RFX7: variants seen among roughly 807,000 people sequenced by gnomAD.
RFX7 encodes the protein DNA-binding protein RFX7.
Under a neutral mutation model 111.8 loss-of-function variants are expected in RFX7, and 26 were observed. The ratio of observed to expected loss-of-function variants is 0.23; its 90% CI spans 0.17 to 0.32. The LOEUF is 0.32. Ranked by LOEUF, RFX7 falls within the 10% of genes least tolerant of loss-of-function variation. RFX7 has a pLI of 1.00. For missense variants in RFX7, 1,573 were observed against 1,772.9 expected, an observed-to-expected ratio of 0.89 and a Z score of 2.02; for synonymous variants, 624 against 624.4, an observed-to-expected ratio of 1.00 and a Z score of 0.01.
intron 2 of RFX7, among the ~76,000 whole-genome samples, chr15:56,212,858 A>G (rs550676606): frequency 2.4e-4 from 37 of 152,310 alleles, no homozygotes; most frequent in African/African-American, 8.7e-4. Flanking sequence ...ATATATCACC[A>G]AAGAGTATAC....
At chr15:56,234,440 G>T (rs1456107055) in intron 2 of RFX7, among the ~76,000 whole-genome samples, 1 of 152,116 alleles carries the variant, frequency 6.6e-6, no homozygotes, top group East Asian at 1.9e-4. Flanking sequence ...CTAAAATGCT[G>T]CTTGCTAGTG....
At chr15:56,152,535 T>C (rs2042585820) in intron 3 of RFX7, among the ~76,000 whole-genome samples, 1 of 152,132 alleles carries the variant, frequency 6.6e-6, no homozygotes, top group Non-Finnish European at 1.5e-5. Flanking sequence ...CCAGAATCTC[T>C]GGGACACATT....
At chr15:56,160,961 TA>T (rs1281883918) in intron 3 of RFX7, among the ~76,000 whole-genome samples, 1 of 152,070 alleles carries the variant, frequency 6.6e-6, no homozygotes, top group East Asian at 1.9e-4. Flanking sequence ...TTCTCAGTTC[TA>T]GGGGGAGAGC....
chr15:56,194,399 G>T (rs1331117467), intron 2 of RFX7, among the ~76,000 whole-genome samples: 1 of 151,974 alleles, frequency 6.6e-6, no homozygotes, highest in East Asian at 1.9e-4. Context: ...ACGAGAAGAA[G>T]CTCTTACATT....
intron 3 of RFX7, among the ~76,000 whole-genome samples, chr15:56,147,398 A>T (rs759488910): frequency 7.9e-5 from 12 of 152,176 alleles, no homozygotes; most frequent in Non-Finnish European, 1.8e-4. Flanking sequence ...CTAGGGACAG[A>T]AAGCAGCTTA....
At chr15:56,176,051 A>T (rs1322378698) in intron 3 of RFX7, among the ~76,000 whole-genome samples, 2 of 152,196 alleles carry the variant, frequency 1.3e-5, no homozygotes, top group Non-Finnish European at 2.9e-5. Context: ...TGCTAGGATG[A>T]GGCAGCCTGT....
chr15:56,103,585 C>G lies in RFX7; in HGVS notation c.487G>C (p.Ala163Pro), dbSNP rs1479914871. 1 of 1,607,206 alleles carries G rather than the reference C, an allele frequency of 6.2e-7. No individual in the cohort carries two copies. Among genetic ancestry groups the G allele is most frequent in the African/African-American group, 1.3e-5 (1 of 74,838 alleles). ...IMKNVFPNMKARRLGTRGKSK... is the reference protein window; with the variant it reads ...IMKNVFPNMKPRRLGTRGKSK... ...TTGCCTCTTGTGCCCAAACGACGTG[C>G]CTTCATGTTTGGAAAGACGTTTTTC... is the stretch of plus-strand genomic sequence containing the variant. Residue 163 changes from alanine to proline, a missense_variant, in exon 6 of 10, where the codon GCA (alanine) becomes CCA (proline). This residue lies in a region of RFX7 where 11 missense variants were observed against 30.4 expected (regional missense o/e 0.36). Transcript: ENST00000559447.
intron 2 of RFX7, among the ~76,000 whole-genome samples, chr15:56,222,307 TTTTTAG>T (rs1360857388): frequency 1.3e-5 from 2 of 152,150 alleles, no homozygotes; most frequent in African/African-American, 4.8e-5. Flanking sequence ...GCTCTCTTTA[TTTTTAG>T]TTTTAAGTAA....
At chr15:56,110,725 G>A (rs1240350925) in intron 5 of RFX7, among the ~76,000 whole-genome samples, 1 of 2,990 alleles carries the variant, frequency 3.3e-4, no homozygotes, top group African/African-American at 3.5e-4. Flanking sequence ...AGGTGGGGGG[G>A]GTCAGCCCCC....
chr15:56,243,077 A>C (rs1259770176), intron 2 of RFX7, 48 bp downstream of exon 2: 3 of 1,036,948 alleles, frequency 2.9e-6, no homozygotes, highest in South Asian at 1.3e-5. Flanking sequence ...ACTTTGCAGC[A>C]GAAATGTGCC....
intron 2 of RFX7, among the ~76,000 whole-genome samples, chr15:56,197,352 T>C (rs1163762248): frequency 6.6e-6 from 1 of 152,174 alleles, no homozygotes; most frequent in East Asian, 1.9e-4. Context: ...AAGGAAAATT[T>C]TTATTTTAAT....
At chr15:56,207,688 G>A (rs541977654) in intron 2 of RFX7, among the ~76,000 whole-genome samples, 1 of 152,240 alleles carries the variant, frequency 6.6e-6, no homozygotes, top group East Asian at 1.9e-4. Flanking sequence ...ACAAAAGACT[G>A]TTAAGCAGAT....
Position 56,174,640 on chromosome 15 carries a change from G to A in RFX7, c.195+4630C>T, listed in dbSNP as rs144939536. Among the ~76,000 whole-genome samples the A allele has an allele frequency of 4.6e-3, 695 of 152,114 alleles. 7 individuals are homozygous for A. Among genetic ancestry groups the A allele is most frequent in the African/African-American group, 0.016 (660 of 41,486 alleles). ...TGCATGCCTGTAGTCCCAGCTACTC[G>A]GGAGGCTGAGGAAGGAGAATCGCTT... On this transcript the variant is annotated intron_variant, in intron 3 of 9. Coordinates refer to ENST00000559447, the MANE Select transcript of RFX7 (RefSeq NM_022841.7).
Position 56,095,823 on chromosome 15 carries a change from G to A in RFX7, c.1905C>T (p.Ser635=), listed in dbSNP as rs375865379. The change falls in exon 10 of 10, where the codon AGC becomes AGT. Residue 635 remains serine, a synonymous_variant. Coordinates refer to ENST00000559447, the MANE Select transcript of RFX7 (RefSeq NM_022841.7). ...AGTCACCATTAGGTGGTGAGCTGCT[G>A]CTGGTGAAAGTTAAGTTCTGAGAAG... ...SVASQNLTFT[S]SSSPPNGDSI... 1.2e-6 allele frequency: 2 copies of A among 1,610,720 alleles called. No homozygotes were observed. Among genetic ancestry groups the A allele is most frequent in the African/African-American group, 1.3e-5 (1 of 75,050 alleles).
intron 2 of RFX7, among the ~76,000 whole-genome samples, chr15:56,189,060 C>T (rs1488265827): frequency 6.6e-6 from 1 of 152,144 alleles, no homozygotes; most frequent in East Asian, 1.9e-4. Context: ...CTCAGGTGAT[C>T]CGCCCATCTC....
rs137904406 is a variant in RFX7, at chr15:56,229,901, T to G, written c.161+13224A>C. 2.6e-5 allele frequency among the ~76,000 whole-genome samples: 4 copies of G among 152,206 alleles called. No individual in the cohort carries two copies. The East Asian group carries it at 7.7e-4, about 29-fold the overall frequency. ...AGCCAGGGTAGCCACTTGTATGAAT[T>G]TGAAACACTTCAGGCCCTCACAGTT... is the stretch of plus-strand genomic sequence containing the variant. On this transcript the variant is annotated intron_variant, in intron 2 of 9. Transcript: ENST00000559447.
chr15:56,110,231 CT>C, intron 5 of RFX7, among the ~76,000 whole-genome samples: 1 of 116,184 alleles, frequency 8.6e-6, no homozygotes, highest in African/African-American at 3.1e-5. Flanking sequence ...TGAGGAGCCC[CT>C]CTGCCCGGCC....
intron 3 of RFX7, among the ~76,000 whole-genome samples, chr15:56,167,339 C>T (rs1194001012): frequency 2.6e-5 from 4 of 152,068 alleles, no homozygotes; most frequent in African/African-American, 7.2e-5. Flanking sequence ...ATTTCTCTTA[C>T]ATTTTAGTCC....
At chr15:56,166,848 A>C (rs1323902071) in intron 3 of RFX7, among the ~76,000 whole-genome samples, 1 of 152,038 alleles carries the variant, frequency 6.6e-6, no homozygotes, top group Non-Finnish European at 1.5e-5. Context: ...GGAACTCCTG[A>C]GCTCAAGTAA....
Sources: gnomAD v4.1 joint callset for allele counts (sites outside exome capture counted in the v4.1 genomes callset) on GRCh38, gnomAD v4.1.1 for gene constraint, gnomAD v4.1.1 regional missense constraint, MANE v1.5 for transcripts, NCBI Gene and HGNC (gene_info 2026-07-23, HGNC 2026-07-21) for gene names.